Variants in CENPP observed in about 807,000 individuals in gnomAD.
CENPP encodes the protein centromere protein P.
A neutral mutation model predicts 35.6 loss-of-function variants in CENPP; 24 were observed. That is an observed-to-expected ratio of 0.67 (90% CI 0.49 to 0.95). The LOEUF (loss-of-function observed/expected upper bound fraction) is 0.95. Among genes scored for constraint, CENPP ranks in the 40% least tolerant of loss-of-function variants. The pLI is 0.00. For missense variants in CENPP, 332 were observed against 345.3 expected (o/e 0.96, Z 0.31); for synonymous variants, 120 against 125.5 (o/e 0.96, Z 0.29).
chr9:92,515,827 G>A (rs1171172638), intron 5 of CENPP, among the ~76,000 whole-genome samples: 1 of 152,120 alleles, frequency 6.6e-6, no homozygotes, highest in Non-Finnish European at 1.5e-5. Context: ...TACTACCTGA[G>A]ACTTACAAAT....
intron 5 of CENPP, among the ~76,000 whole-genome samples, chr9:92,580,959 A>C (rs331375): frequency 0.013 from 1,970 of 152,122 alleles, 6 homozygotes; most frequent in Non-Finnish European, 0.021. Context: ...ATTTCCCTCT[A>C]CACACTGCTT....
chr9:92,344,172 T>C (rs1841209208), intron 3 of CENPP, among the ~76,000 whole-genome samples: 1 of 151,998 alleles, frequency 6.6e-6, no homozygotes, highest in Non-Finnish European at 1.5e-5. Flanking sequence ...CTGGGGAGAA[T>C]TGACCTAGTT....
At chr9:92,436,221 C>A (rs978459915) in intron 5 of CENPP, among the ~76,000 whole-genome samples, 10 of 152,134 alleles carry the variant, frequency 6.6e-5, no homozygotes, top group Non-Finnish European at 1.3e-4. Context: ...AGTGAAATGT[C>A]TGTTCATGTC....
At chr9:92,436,870 C>G (rs991122686) in intron 5 of CENPP, among the ~76,000 whole-genome samples, 1 of 152,126 alleles carries the variant, frequency 6.6e-6, no homozygotes, top group Non-Finnish European at 1.5e-5. Context: ...GTTCCTTTGC[C>G]TTTCTACATA....
chr9:92,546,365 T>C (rs2007245), intron 5 of CENPP, among the ~76,000 whole-genome samples: 101,118 of 152,056 alleles, frequency 0.67, 35,317 homozygotes, highest in African/African-American at 0.89. Context: ...TTTGTTCTTT[T>C]GCTCTTTGCA....
intron 4 of CENPP, among the ~76,000 whole-genome samples, chr9:92,375,387 G>T: frequency 6.6e-6 from 1 of 151,888 alleles, no homozygotes; most frequent in East Asian, 1.9e-4. Context: ...CTGCCTCCTG[G>T]GTTCAAGGGA....
intron 4 of CENPP, among the ~76,000 whole-genome samples, chr9:92,372,348 G>T (rs1842030484): frequency 6.6e-6 from 1 of 151,556 alleles, no homozygotes; most frequent in Non-Finnish European, 1.5e-5. Context: ...AATTTAATCT[G>T]TTTATGTTCC....
intron 5 of CENPP, among the ~76,000 whole-genome samples, chr9:92,480,855 C>T (rs1004549340): frequency 1.3e-5 from 2 of 150,690 alleles, no homozygotes; most frequent in African/African-American, 5.0e-5. Context: ...GTAATCAAGG[C>T]ATAGTCTTGT....
intron 5 of CENPP, among the ~76,000 whole-genome samples, chr9:92,499,602 T>C (rs1846552218): frequency 6.6e-6 from 1 of 152,250 alleles, no homozygotes; most frequent in Admixed American, 6.5e-5. Flanking sequence ...CGCCTTCTGA[T>C]GCAATGCAGT....
chr9:92,467,659 ATTG>A (rs1486778445), intron 5 of CENPP, among the ~76,000 whole-genome samples: 1 of 152,058 alleles, frequency 6.6e-6, no homozygotes, highest in African/African-American at 2.4e-5. Context: ...TATTACTCAT[ATTG>A]TTGTTGTTTT....
chr9:92,545,721 C>G (rs1412716798), intron 5 of CENPP, among the ~76,000 whole-genome samples: 1 of 152,190 alleles, frequency 6.6e-6, no homozygotes, highest in Non-Finnish European at 1.5e-5. Context: ...CAGCTGGGCT[C>G]TTGAGTCTAG....
rs751895655 is a variant in CENPP, at chr9:92,460,513, A to G, written c.564+80654A>G. ...GTATCGTTTAAAATCCTCAAGTTCC[A>G]CTGTTGAAATTTTATTATAATCTAA... On this transcript the variant is annotated intron_variant, in intron 5 of 7. Transcript: ENST00000375587. The G allele has an allele frequency of 2.5e-6, 4 of 1,607,468 alleles. No homozygotes were observed. The Admixed American group carries it at 5.0e-5, about 20-fold the overall frequency.
At position 92,416,725 on chromosome 9, in the gene CENPP, A is replaced by G. The variant is rs140887651; in HGVS notation, c.564+36866A>G. The G allele has an allele frequency of 4.2e-4, 671 of 1,613,572 alleles. 1 individual carries two copies. The highest frequency in any genetic ancestry group is 5.6e-4 in the Non-Finnish European group (665 of 1,179,676). ...CACTGAGTTCTACAATGTTGGGAAGATTAAAAATATTATATGGGATGTCTT... is the reference window on the plus strand; with the variant it reads ...CACTGAGTTCTACAATGTTGGGAAGGTTAAAAATATTATATGGGATGTCTT... On this transcript the variant is annotated intron_variant, in intron 5 of 7. Transcript: ENST00000375587.
intron 5 of CENPP, among the ~76,000 whole-genome samples, chr9:92,383,276 T>C (rs1263518844): frequency 6.6e-6 from 1 of 152,158 alleles, no homozygotes; most frequent in Non-Finnish European, 1.5e-5. Context: ...TATTCTTATT[T>C]TCAAGATTCT....
intron 5 of CENPP, among the ~76,000 whole-genome samples, chr9:92,592,166 A>C (rs541239129): frequency 9.2e-5 from 14 of 152,348 alleles, no homozygotes; most frequent in Admixed American, 1.3e-4. Context: ...TTATACATTT[A>C]TCATGGATAT....
At chr9:92,450,741 A>G (rs894205649) in intron 5 of CENPP, among the ~76,000 whole-genome samples, 15 of 151,964 alleles carry the variant, frequency 9.9e-5, no homozygotes, top group Non-Finnish European at 2.2e-4. Flanking sequence ...ATTTCTCCAC[A>G]TCCTCTCCAG....
chr9:92,619,426 A>C lies in CENPP; in HGVS notation c.*6277A>C. The C allele has an allele frequency of 1.5e-6, 2 of 1,333,954 alleles. No individual in the cohort carries two copies. The highest frequency in any genetic ancestry group is 2.1e-6 in the Non-Finnish European group (2 of 948,942). The allele number at this position is 1,333,954 out of a possible 1,614,324, so 82.6% of individuals were successfully genotyped here. ...AAACCAACTATCCTATTAACAATTC[A>C]CCAACTGTCCATAAAACCCCGTTAG... On this transcript the variant is annotated 3_prime_UTR_variant, in exon 8 of 8. Transcript: ENST00000375587.
chr9:92,475,039 T>C (rs1478945440), intron 5 of CENPP: 2 of 1,119,152 alleles, frequency 1.8e-6, no homozygotes, highest in African/African-American at 3.3e-5. Flanking sequence ...GCTTAGCTAA[T>C]CTGAGAGTAA....
chr9:92,336,868 T>G (rs1004052329), intron 2 of CENPP, among the ~76,000 whole-genome samples: 3 of 152,184 alleles, frequency 2.0e-5, no homozygotes, highest in African/African-American at 7.2e-5. Flanking sequence ...TTAGTGAAGT[T>G]TTGAGAGATG....
Sources: gnomAD v4.1 joint callset for allele counts (sites outside exome capture counted in the v4.1 genomes callset) on GRCh38, gnomAD v4.1.1 for gene constraint, MANE v1.5 for transcripts, NCBI Gene and HGNC (gene_info 2026-07-23, HGNC 2026-07-21) for gene names.